Variants in CDH18 observed in about 807,000 individuals in gnomAD.
CDH18 encodes the protein cadherin-18.
CDH18 carries 31 observed loss-of-function variants against 67.9 expected under a neutral mutation model. The ratio of observed to expected loss-of-function variants is 0.46; its 90% CI spans 0.34 to 0.62. The LOEUF is 0.62. Among genes scored for constraint, CDH18 ranks in the 20% least tolerant of loss-of-function variants. CDH18 has a pLI of 0.01. For synonymous variants in CDH18, 362 were observed against 347.2 expected, an observed-to-expected ratio of 1.04 and a Z score of -0.48; for missense variants, 890 against 975.5, an observed-to-expected ratio of 0.91 and a Z score of 1.17.
chr5:20,284,348 C>T (rs1746517565), intron 1 of CDH18, among the ~76,000 whole-genome samples: 1 of 151,526 alleles, frequency 6.6e-6, no homozygotes, highest in South Asian at 2.1e-4. Context: ...TCTCGTGTAA[C>T]CCATAAATAT....
intron 2 of CDH18, among the ~76,000 whole-genome samples, chr5:20,150,522 G>A (rs890832434): frequency 6.6e-6 from 1 of 152,052 alleles, no homozygotes; most frequent in Admixed American, 6.6e-5. Flanking sequence ...GGAAGGATGG[G>A]GCTGTGATAG....
At chr5:20,011,964 G>A (rs188047035) in intron 2 of CDH18, among the ~76,000 whole-genome samples, 1 of 152,194 alleles carries the variant, frequency 6.6e-6, no homozygotes, top group East Asian at 1.9e-4. Context: ...GAATGAGTTA[G>A]GGAGGAGTCC....
intron 3 of CDH18, among the ~76,000 whole-genome samples, chr5:19,799,447 C>G (rs1275918512): frequency 2.0e-5 from 3 of 151,350 alleles, no homozygotes; most frequent in African/African-American, 7.3e-5. Flanking sequence ...CACACACACA[C>G]ACACACACAC....
intron 7 of CDH18, among the ~76,000 whole-genome samples, chr5:19,577,575 T>C (rs1742518766): frequency 1.3e-5 from 2 of 152,202 alleles, no homozygotes; most frequent in African/African-American, 2.4e-5. Context: ...ATTCAAACTA[T>C]CTAGAGTTTC....
intron 1 of CDH18, among the ~76,000 whole-genome samples, chr5:20,263,453 C>T (rs930684606): frequency 3.3e-5 from 5 of 152,114 alleles, no homozygotes; most frequent in African/African-American, 1.2e-4. Context: ...GGAAAGCTTG[C>T]ATTTGTCTCA....
intron 2 of CDH18, among the ~76,000 whole-genome samples, chr5:20,056,400 G>GT (rs1476149006): frequency 2.0e-3 from 169 of 83,772 alleles, no homozygotes; most frequent in African/African-American, 5.4e-3. Flanking sequence ...TTGTTTGTTT[G>GT]TTTGTTTTTT....
chr5:20,122,044 T>C (rs1340044878), intron 2 of CDH18, among the ~76,000 whole-genome samples: 1 of 152,100 alleles, frequency 6.6e-6, no homozygotes, highest in African/African-American at 2.4e-5. Flanking sequence ...CCTCTCACAA[T>C]GAAGTATGTA....
intron 2 of CDH18, among the ~76,000 whole-genome samples, chr5:19,880,250 G>A (rs6867669): frequency 0.9 from 136,546 of 151,830 alleles, 61,492 homozygotes; most frequent in Non-Finnish European, 0.92. Context: ...GTTACCAAAA[G>A]AAGTCCACAA....
At chr5:19,761,543 G>A (rs1772346643) in intron 3 of CDH18, among the ~76,000 whole-genome samples, 1 of 151,694 alleles carries the variant, frequency 6.6e-6, no homozygotes, top group African/African-American at 2.4e-5. Flanking sequence ...ATCATATTAG[G>A]CATCTAACTG....
intron 1 of CDH18, among the ~76,000 whole-genome samples, chr5:20,402,124 T>G (rs979448308): frequency 6.6e-6 from 1 of 152,172 alleles, no homozygotes. Flanking sequence ...TTTTTTTCCC[T>G]CATCTCTTTT....
chr5:20,149,375 T>C (rs976505765), intron 2 of CDH18, among the ~76,000 whole-genome samples: 5 of 152,204 alleles, frequency 3.3e-5, no homozygotes, highest in Admixed American at 2.0e-4. Flanking sequence ...GTTTTCCTTG[T>C]TGACACACTT....
chr5:20,199,532 G>A (rs575251364), intron 2 of CDH18, among the ~76,000 whole-genome samples: 1 of 152,244 alleles, frequency 6.6e-6, no homozygotes, highest in South Asian at 2.1e-4. Flanking sequence ...GCTCATAGGT[G>A]AAAGGGACTT....
At chr5:19,728,682 C>T (rs571954646) in intron 4 of CDH18, among the ~76,000 whole-genome samples, 1 of 152,256 alleles carries the variant, frequency 6.6e-6, no homozygotes, top group Non-Finnish European at 1.5e-5. Context: ...CAAATACTCT[C>T]TGAGACTGCA....
chr5:20,195,240 C>A (rs575459079), intron 2 of CDH18, among the ~76,000 whole-genome samples: 1 of 151,982 alleles, frequency 6.6e-6, no homozygotes, highest in Non-Finnish European at 1.5e-5. Context: ...TTATCCATTA[C>A]TTACTGTTAT....
At chr5:19,606,085 G>C (rs563153933) in intron 6 of CDH18, among the ~76,000 whole-genome samples, 1 of 151,652 alleles carries the variant, frequency 6.6e-6, no homozygotes, top group Non-Finnish European at 1.5e-5. Flanking sequence ...CCAGTGGAGA[G>C]TAAGTAAAGA....
intron 2 of CDH18, among the ~76,000 whole-genome samples, chr5:19,958,883 C>T (rs1025175128): frequency 2.0e-5 from 3 of 151,998 alleles, no homozygotes; most frequent in Admixed American, 2.0e-4. Flanking sequence ...TTCATCAGGT[C>T]ATTGGTGACA....
chr5:20,341,332 C>A (rs961872775), intron 1 of CDH18, among the ~76,000 whole-genome samples: 1 of 152,026 alleles, frequency 6.6e-6, no homozygotes, highest in Non-Finnish European at 1.5e-5. Flanking sequence ...ACAGGCCTAG[C>A]CTCCCAGCCT....
chr5:19,767,835 C>G (rs1486537327), intron 3 of CDH18, among the ~76,000 whole-genome samples: 5 of 151,850 alleles, frequency 3.3e-5, no homozygotes, highest in Admixed American at 6.6e-5. Context: ...GGGAAATTGA[C>G]CAAAATCTTG....
At position 19,818,839 on chromosome 5, in the gene CDH18, C is replaced by T. The variant is rs147604340; in HGVS notation, c.228+19920G>A. 3.8e-3 allele frequency among the ~76,000 whole-genome samples: 580 copies of T among 152,304 alleles called. 6 individuals carry two copies. Among genetic ancestry groups the T allele is most frequent in the African/African-American group, 0.013 (555 of 41,572 alleles). ...TTGACTGAAATGTCATTATGTGGCA[C>T]ATGACTATAATTTGTTTCAGGAGAA... On this transcript the variant is annotated intron_variant, in intron 3 of 12. Coordinates refer to ENST00000382275, the MANE Select transcript of CDH18 (RefSeq NM_004934.5).
Sources: allele counts gnomAD v4.1 joint callset (sites outside exome capture counted in the v4.1 genomes callset), GRCh38; gene constraint gnomAD v4.1.1; transcripts MANE v1.5; gene names NCBI Gene and HGNC (gene_info 2026-07-23, HGNC 2026-07-21).